GPC6: variants seen among roughly 807,000 people sequenced by gnomAD.
GPC6 encodes glypican 6, also known as glypican-6.
Under a neutral mutation model 55.2 loss-of-function variants are expected in GPC6, and 14 were observed. That is an observed-to-expected ratio of 0.25 (90% confidence interval 0.17 to 0.40). The LOEUF (loss-of-function observed/expected upper bound fraction) is 0.40, where lower values mean the gene tolerates loss of function less well. Ranked by LOEUF, GPC6 falls within the 10% of genes least tolerant of loss-of-function variation. The pLI, the probability that GPC6 is intolerant of heterozygous loss-of-function variation, is 1.00. For missense variants in GPC6, 641 were observed against 708.5 expected, an observed-to-expected ratio of 0.90 and a Z score of 1.08; for synonymous variants, 278 against 259.6, an observed-to-expected ratio of 1.07 and a Z score of -0.68.
At chr13:93,356,427 A>G (rs1246798874) in intron 1 of GPC6, among the ~76,000 whole-genome samples, 1 of 152,212 alleles carries the variant, frequency 6.6e-6, no homozygotes, top group African/African-American at 2.4e-5. Context: ...GCCATGATCC[A>G]GTGAAGAAGG....
intron 1 of GPC6, among the ~76,000 whole-genome samples, chr13:93,286,680 G>A (rs1878138359): frequency 6.6e-6 from 1 of 152,204 alleles, no homozygotes; most frequent in South Asian, 2.1e-4. Context: ...TAGGGAAGGG[G>A]TGGCAGAGGT....
At chr13:93,727,558 T>G (rs1883687083) in intron 2 of GPC6, among the ~76,000 whole-genome samples, 1 of 152,178 alleles carries the variant, frequency 6.6e-6, no homozygotes, top group Admixed American at 6.6e-5. Context: ...ATAAATGTTT[T>G]GGGCTTGTGG....
At chr13:93,326,952 G>A (rs1227120895) in intron 1 of GPC6, among the ~76,000 whole-genome samples, 2 of 152,194 alleles carry the variant, frequency 1.3e-5, no homozygotes, top group Non-Finnish European at 2.9e-5. Flanking sequence ...GCACTAAAAA[G>A]CTGTAGGTGT....
At chr13:94,165,546 AC>A (rs1326066976) in intron 4 of GPC6, among the ~76,000 whole-genome samples, 7 of 152,008 alleles carry the variant, frequency 4.6e-5, no homozygotes, top group Admixed American at 2.0e-4. Flanking sequence ...TTCACTACAT[AC>A]CGCTTAGGTG....
rs1477398847 is a variant in GPC6 at position 93,491,863 on chromosome 13, C to G, written c.161-53400C>G. ...CGGCGTTATTTCTGAGGGCTCTGTT[C>G]TGCTCCATTGATCTTTATCTCTGTT... On this transcript the variant is annotated intron_variant, in intron 1 of 8. Transcript: ENST00000377047. 1.6e-4 allele frequency among the ~76,000 whole-genome samples: 17 copies of G among 105,212 alleles called. 2 individuals are homozygous for G. Among genetic ancestry groups the G allele is most frequent in the African/African-American group, 5.6e-4 (16 of 28,534 alleles). 69.0% of individuals were successfully genotyped at this position (105,212 alleles called of 152,430 possible).
chr13:94,207,772 T>C (rs1047385875), intron 4 of GPC6, among the ~76,000 whole-genome samples: 4 of 152,196 alleles, frequency 2.6e-5, no homozygotes, highest in African/African-American at 9.6e-5. Context: ...CCAGCTTCCC[T>C]GCTGACCAAT....
intron 6 of GPC6, among the ~76,000 whole-genome samples, chr13:94,351,962 C>CAAAAA (rs60206836): frequency 2.0e-5 from 2 of 101,542 alleles, no homozygotes; most frequent in African/African-American, 4.3e-5. Context: ...GAGAAGAAGG[C>CAAAAA]AAAAAAAAAA....
chr13:93,404,838 A>G (rs1306127221), intron 1 of GPC6, among the ~76,000 whole-genome samples: 1 of 151,948 alleles, frequency 6.6e-6, no homozygotes. Context: ...AACAACAATA[A>G]CAGTTATGAC....
intron 4 of GPC6, among the ~76,000 whole-genome samples, chr13:94,110,098 G>A (rs993179867): frequency 6.6e-6 from 1 of 150,644 alleles, no homozygotes; most frequent in African/African-American, 2.4e-5. Context: ...AAAAAAAGCT[G>A]TAGTGATAGG....
chr13:93,515,913 G>T (rs1214614071), intron 1 of GPC6, among the ~76,000 whole-genome samples: 1 of 152,054 alleles, frequency 6.6e-6, no homozygotes, highest in Non-Finnish European at 1.5e-5. Context: ...CACACACGCA[G>T]AAAGCCAAGG....
At chr13:93,263,212 T>A (rs1448535304) in intron 1 of GPC6, among the ~76,000 whole-genome samples, 1 of 152,136 alleles carries the variant, frequency 6.6e-6, no homozygotes, top group Non-Finnish European at 1.5e-5. Flanking sequence ...AGCCAGTTGG[T>A]CTTAGCCAGC....
chr13:93,549,627 A>G (rs915444518), intron 2 of GPC6, among the ~76,000 whole-genome samples: 1 of 152,118 alleles, frequency 6.6e-6, no homozygotes, highest in Non-Finnish European at 1.5e-5. Flanking sequence ...AGTGCTTTCC[A>G]GTTCCCAGAT....
chr13:93,901,943 A>G (rs1261732614), intron 3 of GPC6, among the ~76,000 whole-genome samples: 5 of 151,950 alleles, frequency 3.3e-5, no homozygotes, highest in African/African-American at 9.7e-5. Context: ...TCATTGACAC[A>G]TAATAATTAT....
At chr13:94,202,316 T>G (rs1457611951) in intron 4 of GPC6, among the ~76,000 whole-genome samples, 1 of 152,238 alleles carries the variant, frequency 6.6e-6, no homozygotes, top group Non-Finnish European at 1.5e-5. Flanking sequence ...GTTCTCATGC[T>G]GCTGATAAAG....
intron 3 of GPC6, among the ~76,000 whole-genome samples, chr13:94,007,757 G>T (rs1390541182): frequency 6.6e-6 from 1 of 151,958 alleles, no homozygotes; most frequent in Non-Finnish European, 1.5e-5. Context: ...GTGAGTACTG[G>T]CTCTTTACAT....
At chr13:93,457,465 T>A (rs1029237656) in intron 1 of GPC6, among the ~76,000 whole-genome samples, 2 of 152,176 alleles carry the variant, frequency 1.3e-5, no homozygotes, top group Non-Finnish European at 2.9e-5. Context: ...AACAGATGAC[T>A]CCAAAATTCC....
At chr13:93,445,589 A>G (rs1407983003) in intron 1 of GPC6, among the ~76,000 whole-genome samples, 1 of 152,196 alleles carries the variant, frequency 6.6e-6, no homozygotes, top group Non-Finnish European at 1.5e-5. Context: ...TCTGCAGAGC[A>G]AATTATTGCT....
intron 3 of GPC6, among the ~76,000 whole-genome samples, chr13:93,965,226 A>T (rs1185988644): frequency 1.3e-5 from 2 of 148,530 alleles, no homozygotes; most frequent in East Asian, 4.0e-4. Context: ...CCTGGCTAAC[A>T]CGGTGAAACC....
chr13:93,874,232 T>C (rs1467169773), intron 3 of GPC6, among the ~76,000 whole-genome samples: 1 of 151,730 alleles, frequency 6.6e-6, no homozygotes, highest in Non-Finnish European at 1.5e-5. Flanking sequence ...GCAGGTTCCA[T>C]CATTGTTCCT....
Sources: gnomAD v4.1 joint callset for allele counts (sites outside exome capture counted in the v4.1 genomes callset) on GRCh38, gnomAD v4.1.1 for gene constraint, MANE v1.5 for transcripts, NCBI Gene and HGNC (gene_info 2026-07-23, HGNC 2026-07-21) for gene names.